The following BAG4 variants were observed in gnomAD, a reference collection of about 807,000 sequenced individuals.
The protein encoded by BAG4 is BAG family molecular chaperone regulator 4.
In BAG4, 28 loss-of-function variants were observed where a neutral mutation model predicts 52.1. The ratio of observed to expected loss-of-function variants is 0.54; its 90% CI spans 0.40 to 0.74. The LOEUF is 0.74. Ranked by LOEUF, BAG4 falls within the 30% of genes least tolerant of loss-of-function variation. BAG4 has a pLI of 0.00. For missense variants in BAG4, 525 were observed against 572.0 expected, an observed-to-expected ratio of 0.92 and a Z score of 0.84; for synonymous variants, 208 against 217.0, an observed-to-expected ratio of 0.96 and a Z score of 0.37.
Position 38,177,106 on chromosome 8 carries a change from G to T in BAG4, c.237G>T (p.Trp79Cys). Reference sequence around the variant, plus strand: ...GCTACTATCCCTCGGGAGGCGCCTGGCCAGAGCCTGGTCGAGCCGGAGGAA... The same window carrying T: ...GCTACTATCCCTCGGGAGGCGCCTGTCCAGAGCCTGGTCGAGCCGGAGGAA... The part of the protein sequence containing the change: ...GDGYYPSGGA[W>C]PEPGRAGGSH... Residue 79 changes from tryptophan (W) to cysteine (C), a missense_variant, in exon 1 of 5, where the codon TGG becomes TGT. Physicochemically the swap from Trp to Cys is radical, Grantham distance 215 (BLOSUM62 -2). Coordinates refer to ENST00000287322, the MANE Select transcript of BAG4 (RefSeq NM_004874.4). 8.7e-6 allele frequency: 14 copies of T among 1,612,874 alleles called. No individual in the cohort carries two copies. Among genetic ancestry groups the T allele is most frequent in the Non-Finnish European group, 1.2e-5 (14 of 1,179,916 alleles).
intron 1 of BAG4, among the ~76,000 whole-genome samples, chr8:38,188,085 C>T (rs895496803): frequency 6.7e-6 from 1 of 149,160 alleles, no homozygotes; most frequent in Admixed American, 6.7e-5. Context: ...TATTGTTAGC[C>T]CAAGAGTAAC....
At position 38,177,545 on chromosome 8, in the gene BAG4, G is replaced by T. The variant is rs1803185445; in HGVS notation, c.270+406G>T. Among the ~76,000 whole-genome samples the T allele has an allele frequency of 3.9e-5, 6 of 152,160 alleles. No homozygotes were observed. The South Asian group carries it at 1.2e-3, about 32-fold the overall frequency. ...GGCTGCAGCCCCCGATGCCGCTCAG[G>T]GACCCTCCCGAGGGGAAGGAACCTT... On this transcript the variant is annotated intron_variant, in intron 1 of 4. Transcript: ENST00000287322.
At chr8:38,180,178 T>A (rs1285995633) in intron 1 of BAG4, among the ~76,000 whole-genome samples, 1 of 152,138 alleles carries the variant, frequency 6.6e-6, no homozygotes, top group Non-Finnish European at 1.5e-5. Flanking sequence ...TCTGAAACTT[T>A]AAAAGTATAG....
At chr8:38,198,644 A>G (rs1278043949) in intron 2 of BAG4, among the ~76,000 whole-genome samples, 1 of 150,310 alleles carries the variant, frequency 6.7e-6, no homozygotes, top group Non-Finnish European at 1.5e-5. Flanking sequence ...GCCCACCACC[A>G]CGCCCGGCTA....
chr8:38,207,773 T>G lies in BAG4; in HGVS notation c.633+7T>G. ...AGGATATCCGCCTTCACAGGTGAGT[T>G]GTTTTCTATTGGGAAAAAAATGAAT... On this transcript the variant is annotated splice_region_variant and intron_variant, in intron 3 of 4. Transcript: ENST00000287322. 6.2e-7 allele frequency: 1 copy of G among 1,613,128 alleles called. No individual in the cohort carries two copies.
intron 1 of BAG4, among the ~76,000 whole-genome samples, chr8:38,179,220 C>G (rs1183561214): frequency 6.6e-6 from 1 of 151,970 alleles, no homozygotes; most frequent in Non-Finnish European, 1.5e-5. Context: ...AATGCAGTGG[C>G]GCAATCTCAG....
chr8:38,212,042 A>T lies in BAG4; in HGVS notation c.*1549A>T, dbSNP rs1266981083. 6.6e-6 allele frequency: 1 copy of T among 152,200 alleles called. No homozygotes were observed. Among genetic ancestry groups the T allele is most frequent in the Admixed American group, 6.5e-5 (1 of 15,284 alleles). 9.4% of individuals were successfully genotyped at this position (152,200 alleles called of 1,614,324 possible). A position where few individuals can be genotyped will look rare whatever the true frequency, so the allele number is the denominator to read the frequency against. On this transcript the variant is annotated 3_prime_UTR_variant, in exon 5 of 5. Coordinates refer to ENST00000287322, the MANE Select transcript of BAG4 (RefSeq NM_004874.4). Reference sequence around the variant, plus strand: ...ACAAACAGATGAGGAGAGGAAATGTAGTAAAAATACTGGCTGGGTCTTATG... The same window carrying T: ...ACAAACAGATGAGGAGAGGAAATGTTGTAAAAATACTGGCTGGGTCTTATG...
At chr8:38,206,569 A>T (rs1803771709) in intron 2 of BAG4, among the ~76,000 whole-genome samples, 1 of 152,128 alleles carries the variant, frequency 6.6e-6, no homozygotes, top group African/African-American at 2.4e-5. Flanking sequence ...AACAGTCATA[A>T]TACAAATAAT....
chr8:38,178,832 A>G (rs531059350), intron 1 of BAG4, among the ~76,000 whole-genome samples: 2 of 152,102 alleles, frequency 1.3e-5, no homozygotes, highest in Non-Finnish European at 2.9e-5. Flanking sequence ...TTTTTGGGAT[A>G]ATGAAATGTT....
Position 38,185,674 on chromosome 8 carries a change from C to G in BAG4, c.271-7014C>G, listed in dbSNP as rs181905881. On this transcript the variant is annotated intron_variant, in intron 1 of 4. Transcript: ENST00000287322. ...CCACCTCCCAGGTTCAAGCGATTCT[C>G]TTGCCTCAGCCTCCTGAGTGGCTGG... Among the ~76,000 whole-genome samples, 507 of 152,284 alleles carry G rather than the reference C, an allele frequency of 3.3e-3. 2 individuals carry two copies. Among genetic ancestry groups the G allele is most frequent in the African/African-American group, 0.012 (487 of 41,554 alleles).
At position 38,210,459 on chromosome 8, in the gene BAG4, C is replaced by T. The variant is rs773577269; in HGVS notation, c.1340C>T (p.Ala447Val). 8 of 1,581,200 alleles carry T rather than the reference C, an allele frequency of 5.1e-6. No homozygotes were observed. The highest frequency in any genetic ancestry group is 2.6e-6 in the Non-Finnish European group (3 of 1,170,612). ...AAAGAGGCTGTTTGTAAGATTCAGG[C>T]CATACTGGAAAAATTAGAAAAAAAA... is the stretch of plus-strand genomic sequence containing the variant. ...ARKEAVCKIQ[A>V]ILEKLEKKGL The change falls in exon 5 of 5, where the codon GCC becomes GTC. Residue 447 changes from alanine (A) to valine (V), a missense_variant. By Grantham distance (64) the Ala-to-Val change is moderately conservative (BLOSUM62 0). Coordinates refer to ENST00000287322, the MANE Select transcript of BAG4 (RefSeq NM_004874.4).
intron 2 of BAG4, among the ~76,000 whole-genome samples, chr8:38,203,544 A>C (rs1351342443): frequency 6.6e-6 from 1 of 152,086 alleles, no homozygotes; most frequent in African/African-American, 2.4e-5. Context: ...TGGCCTCCCA[A>C]AGTGCTCAGA....
At chr8:38,190,290 A>G (rs1803452459) in intron 1 of BAG4, among the ~76,000 whole-genome samples, 1 of 152,226 alleles carries the variant, frequency 6.6e-6, no homozygotes. Flanking sequence ...TATCACTACT[A>G]ATAACATTAT....
At chr8:38,198,638 A>C (rs534351349) in intron 2 of BAG4, among the ~76,000 whole-genome samples, 1 of 150,382 alleles carries the variant, frequency 6.6e-6, no homozygotes. Context: ...ACAGGCGCCC[A>C]CCACCACGCC....
intron 2 of BAG4, among the ~76,000 whole-genome samples, chr8:38,201,390 T>C (rs1803660419): frequency 6.6e-6 from 1 of 152,164 alleles, no homozygotes; most frequent in Admixed American, 6.6e-5. Context: ...TAGATCACTG[T>C]AACCTTGAAC....
At position 38,210,172 on chromosome 8, in the gene BAG4, C is replaced by T; in HGVS notation, c.1053C>T (p.Ala351=). Residue 351 remains alanine (A), a synonymous_variant, in exon 5 of 5, where the codon GCC becomes GCT. Transcript: ENST00000287322. ...YSAEPQLYGN[A]TSDHPNNQDQ... ...CTGAGCCTCAGCTGTATGGTAATGC[C>T]ACCAGTGACCATCCCAACAATCAAG... 3.1e-6 allele frequency: 5 copies of T among 1,614,060 alleles called. No individual in the cohort carries two copies. Among genetic ancestry groups the T allele is most frequent in the Non-Finnish European group, 4.2e-6 (5 of 1,180,018 alleles).
At chr8:38,205,740 G>T (rs192198888) in intron 2 of BAG4, among the ~76,000 whole-genome samples, 2 of 152,106 alleles carry the variant, frequency 1.3e-5, no homozygotes, top group East Asian at 3.9e-4. Context: ...GGAATTCTTT[G>T]GTCATGGGTA....
intron 1 of BAG4, among the ~76,000 whole-genome samples, chr8:38,181,168 C>T (rs1033277870): frequency 6.6e-6 from 1 of 151,128 alleles, no homozygotes; most frequent in Non-Finnish European, 1.5e-5. Flanking sequence ...GTATCGATCT[C>T]CTGACCTCGT....
At chr8:38,178,923 C>T (rs1803216645) in intron 1 of BAG4, among the ~76,000 whole-genome samples, 1 of 151,912 alleles carries the variant, frequency 6.6e-6, no homozygotes, top group South Asian at 2.1e-4. Context: ...TTGCTTGAGT[C>T]CAGGAGTTCG....
Sources: gnomAD v4.1 joint callset for allele counts (sites outside exome capture counted in the v4.1 genomes callset) on GRCh38, gnomAD v4.1.1 for gene constraint, MANE v1.5 for transcripts, NCBI Gene and HGNC (gene_info 2026-07-23, HGNC 2026-07-21) for gene names.